Variants in IL1RAPL2 observed in about 807,000 individuals in gnomAD.
The protein encoded by IL1RAPL2 is X-linked interleukin-1 receptor accessory protein-like 2.
IL1RAPL2 carries 3 observed loss-of-function variants against 44.1 expected under a neutral mutation model. The observed-to-expected ratio is 0.07, with a 90% CI of 0.03 to 0.18. IL1RAPL2 has a LOEUF of 0.18. Among genes scored for constraint, IL1RAPL2 ranks in the 10% least tolerant of loss-of-function variants. IL1RAPL2 has a pLI of 1.00. For synonymous variants in IL1RAPL2, 181 were observed against 178.8 expected, an observed-to-expected ratio of 1.01 and a Z score of -0.10; for missense variants, 391 against 496.4, an observed-to-expected ratio of 0.79 and a Z score of 2.02.
At chrX:105,274,101 G>A (rs952717318) in intron 5 of IL1RAPL2, among the ~76,000 whole-genome samples, 19 of 112,003 alleles carry the variant, frequency 1.7e-4, no homozygotes, top group African/African-American at 5.5e-4. Context: ...TATTGGACAC[G>A]ATGTCTATCA....
At chrX:104,705,928 G>C (rs954335963) in intron 2 of IL1RAPL2, among the ~76,000 whole-genome samples, 2 of 111,997 alleles carry the variant, frequency 1.8e-5, no homozygotes, top group Non-Finnish European at 3.8e-5. Context: ...CTTGCATTAA[G>C]TAGGTGCTCA....
intron 2 of IL1RAPL2, among the ~76,000 whole-genome samples, chrX:104,890,144 C>A (rs5917165): frequency 0.43 from 47,569 of 110,693 alleles, 7,380 homozygotes; most frequent in East Asian, 0.46. Flanking sequence ...TTTTTTATGG[C>A]TGCATAGTAT....
At chrX:104,779,737 C>T (rs1932760358) in intron 2 of IL1RAPL2, among the ~76,000 whole-genome samples, 2 of 111,456 alleles carry the variant, frequency 1.8e-5, no homozygotes, top group African/African-American at 6.5e-5. Context: ...GGGACCAGGT[C>T]ACATTTGTCT....
In IL1RAPL2 at chrX:105,099,451, T is replaced by TA. The variant is rs1259985478; in HGVS notation, c.83-96023dup. On this transcript the variant is annotated intron_variant, in intron 2 of 10. Coordinates refer to ENST00000372582, the MANE Select transcript of IL1RAPL2 (RefSeq NM_017416.2). ...GGAGACGGGTGGGAGAGGTGCCACA[T>TA]ACTTTTTTTTTTTTTTTTTTTTTTT... Among the ~76,000 whole-genome samples, 5 of 82,372 alleles carry TA rather than the reference T, an allele frequency of 6.1e-5. No homozygotes were observed. The East Asian group carries it at 2.4e-3, about 39-fold the overall frequency. The allele number at this position is 82,372 out of a possible 115,157, so 71.5% of individuals were successfully genotyped here. A position where few individuals can be genotyped will look rare whatever the true frequency, so the allele number is the denominator to read the frequency against.
At chrX:105,463,520 G>A (rs981349292) in intron 5 of IL1RAPL2, among the ~76,000 whole-genome samples, 1 of 109,005 alleles carries the variant, frequency 9.2e-6, no homozygotes, top group Non-Finnish European at 1.9e-5. Context: ...AGGGGATTGG[G>A]CTAGATACAC....
chrX:105,197,990 C>G (rs2147613508), intron 3 of IL1RAPL2, among the ~76,000 whole-genome samples: 1 of 111,312 alleles, frequency 9.0e-6, no homozygotes, highest in East Asian at 2.8e-4. Flanking sequence ...TGTTTAGCTC[C>G]CACTTGTAAG....
At chrX:105,436,984 C>T (rs1332580305) in intron 5 of IL1RAPL2, among the ~76,000 whole-genome samples, 1 of 105,072 alleles carries the variant, frequency 9.5e-6, no homozygotes, top group African/African-American at 3.5e-5. Context: ...TTGATTTTTA[C>T]ATCAAAATTC....
At chrX:104,652,174 T>C (rs1930165125) in intron 1 of IL1RAPL2, among the ~76,000 whole-genome samples, 1 of 112,050 alleles carries the variant, frequency 8.9e-6, no homozygotes. Context: ...TCTCCTATAC[T>C]GGCCAAGCTG....
At chrX:105,375,526 ACAAT>A (rs1211296735) in intron 5 of IL1RAPL2, among the ~76,000 whole-genome samples, 3 of 111,489 alleles carry the variant, frequency 2.7e-5, no homozygotes, top group Admixed American at 9.5e-5. Flanking sequence ...AAACAAACAA[ACAAT>A]CAACAACAAC....
intron 2 of IL1RAPL2, among the ~76,000 whole-genome samples, chrX:105,048,773 C>T (rs550305862): frequency 3.6e-5 from 4 of 111,316 alleles, no homozygotes; most frequent in East Asian, 5.7e-4. Context: ...TGTCCAACAC[C>T]GTCAACACTA....
intron 2 of IL1RAPL2, among the ~76,000 whole-genome samples, chrX:104,972,546 C>A (rs899155672): frequency 2.7e-5 from 3 of 111,677 alleles, no homozygotes; most frequent in Non-Finnish European, 5.6e-5. Context: ...GAAGATGGAA[C>A]TCTCTATCTT....
At chrX:105,576,921 G>A (rs957583300) in intron 6 of IL1RAPL2, among the ~76,000 whole-genome samples, 20 of 111,580 alleles carry the variant, frequency 1.8e-4, no homozygotes, top group African/African-American at 6.2e-4. Context: ...TTTCTTAAAA[G>A]TGAAACTAAA....
At chrX:105,394,916 A>G (rs2035551146) in intron 5 of IL1RAPL2, among the ~76,000 whole-genome samples, 1 of 111,163 alleles carries the variant, frequency 9.0e-6, no homozygotes, top group African/African-American at 3.3e-5. Context: ...ATCCTCTGTG[A>G]AGTCCTCTCT....
At chrX:105,116,023 C>T (rs1410398823) in intron 2 of IL1RAPL2, among the ~76,000 whole-genome samples, 5 of 113,303 alleles carry the variant, frequency 4.4e-5, no homozygotes, top group Admixed American at 1.8e-4. Context: ...GCTGAGCCCA[C>T]GCCCACCCAG....
intron 2 of IL1RAPL2, among the ~76,000 whole-genome samples, chrX:104,781,304 C>T (rs1253335037): frequency 9.0e-6 from 1 of 111,176 alleles, no homozygotes; most frequent in East Asian, 2.8e-4. Flanking sequence ...ACTTAAGAAA[C>T]TCTCCTGAAG....
intron 6 of IL1RAPL2, among the ~76,000 whole-genome samples, chrX:105,524,736 G>A (rs901509935): frequency 1.8e-5 from 2 of 110,676 alleles, no homozygotes; most frequent in African/African-American, 6.6e-5. Context: ...ATTAATTAGA[G>A]ATTTAAATGT....
At chrX:104,996,946 A>AT (rs935549291) in intron 2 of IL1RAPL2, among the ~76,000 whole-genome samples, 7 of 111,703 alleles carry the variant, frequency 6.3e-5, no homozygotes, top group African/African-American at 2.3e-4. Flanking sequence ...ATCAAGGGTA[A>AT]AAACCTAAGG....
intron 2 of IL1RAPL2, among the ~76,000 whole-genome samples, chrX:104,673,052 G>C (rs1372232843): frequency 1.8e-5 from 2 of 111,662 alleles, no homozygotes; most frequent in Non-Finnish European, 3.8e-5. Context: ...TAGGTTGCCT[G>C]TTCACTCTGA....
chrX:104,756,746 T>C (rs1932346327), intron 2 of IL1RAPL2, among the ~76,000 whole-genome samples: 1 of 109,710 alleles, frequency 9.1e-6, no homozygotes. Context: ...AGTGTATGGA[T>C]AAAGTTTTAG....
Sources: allele counts gnomAD v4.1 joint callset (sites outside exome capture counted in the v4.1 genomes callset), GRCh38; gene constraint gnomAD v4.1.1; transcripts MANE v1.5; gene names NCBI Gene and HGNC (gene_info 2026-07-23, HGNC 2026-07-21).